Variants in DLAT observed in about 807,000 individuals in gnomAD.
DLAT encodes dihydrolipoamide S-acetyltransferase.
DLAT carries 43 observed loss-of-function variants against 68.0 expected under a neutral mutation model. The ratio of observed to expected loss-of-function variants is 0.63; its 90% CI spans 0.50 to 0.81. The LOEUF (loss-of-function observed/expected upper bound fraction) is 0.81, where lower values mean the gene tolerates loss of function less well. Among genes scored for constraint, DLAT ranks in the 40% least tolerant of loss-of-function variants. The pLI is 0.00. For synonymous variants in DLAT, 265 were observed against 288.6 expected (o/e 0.92, Z 0.83); for missense variants, 745 against 815.4 (o/e 0.91, Z 1.05).
rs375880664 is a variant in DLAT, at chr11:112,055,954, G to A, written c.1515-3949G>A. On this transcript the variant is annotated intron_variant, in intron 11 of 13. Coordinates refer to ENST00000280346, the MANE Select transcript of DLAT (RefSeq NM_001931.5). The stretch of plus-strand genomic sequence containing the variant: ...GCTATCTCCGCTCATTGCAACCTCC[G>A]CCTCCCGGGTTCAAGCGATTCTCCT... Among the ~76,000 whole-genome samples, 82 of 125,444 alleles carry A rather than the reference G, an allele frequency of 6.5e-4. 2 individuals carry two copies. The highest frequency in any genetic ancestry group is 2.4e-3 in the African/African-American group (81 of 33,822). The allele number at this position is 125,444 out of a possible 152,430, so 82.3% of individuals were successfully genotyped here. A position where few individuals can be genotyped will look rare whatever the true frequency, so the allele number is the denominator to read the frequency against.
rs201046000 is a variant in DLAT at position 112,028,809 on chromosome 11, C to G, written c.524C>G (p.Ala175Gly). ...ITVGKPEDIE[A>G]FKNYTLDSSA... is the part of the protein sequence containing the mutation. ...TTCCTTAGGCCTGAGGATATTGAGG[C>G]CTTTAAAAATTATACACTGGATTCC... The change falls in exon 4 of 14, where the codon GCC (alanine) becomes GGC (glycine). Residue 175 changes from alanine to glycine, a missense_variant. By Grantham distance (60) the Ala-to-Gly change is moderately conservative. Transcript: ENST00000280346. 7.4e-6 allele frequency: 12 copies of G among 1,614,116 alleles called. No individual in the cohort carries two copies. Among genetic ancestry groups the G allele is most frequent in the Non-Finnish European group, 9.3e-6 (11 of 1,180,016 alleles).
intron 8 of DLAT, 92 bp downstream of exon 8, chr11:112,043,625 C>T: frequency 8.9e-7 from 1 of 1,121,368 alleles, no homozygotes. Context: ...AATAGCTCAA[C>T]CAAGATTGTT....
chr11:112,052,845 C>T (rs1268445786), intron 11 of DLAT, among the ~76,000 whole-genome samples: 1 of 151,972 alleles, frequency 6.6e-6, no homozygotes, highest in African/African-American at 2.4e-5. Context: ...CAGTGACTGG[C>T]GCCATCCCGA....
chr11:112,044,450 A>C (rs1199931384), intron 8 of DLAT, among the ~76,000 whole-genome samples: 23 of 152,174 alleles, frequency 1.5e-4, no homozygotes, highest in Non-Finnish European at 1.9e-4. Context: ...TGTGAGGCTC[A>C]AGTGAGCCTC....
At chr11:112,062,329 G>A (rs1864685400) in intron 13 of DLAT, 77 bp from the exon 14 acceptor site, 1 of 1,501,224 alleles carries the variant, frequency 6.7e-7, no homozygotes, top group African/African-American at 1.4e-5. Context: ...TAGGGTAGGA[G>A]TGAGCATTTG....
intron 2 of DLAT, among the ~76,000 whole-genome samples, chr11:112,027,045 C>T (rs1438590505): frequency 1.3e-5 from 2 of 151,672 alleles, no homozygotes; most frequent in East Asian, 3.9e-4. Context: ...GGGGGCTGAC[C>T]CCCACCTCCC....
chr11:112,028,701 T>A (rs1862225280), intron 3 of DLAT, 62 bp downstream of exon 3: 2 of 1,614,068 alleles, frequency 1.2e-6, no homozygotes, highest in Non-Finnish European at 1.7e-6. Flanking sequence ...TACCCAGAAT[T>A]GAGAATTAGG....
chr11:112,027,430 A>G (rs1469909021), intron 2 of DLAT, among the ~76,000 whole-genome samples: 7 of 149,418 alleles, frequency 4.7e-5, no homozygotes, highest in Non-Finnish European at 1.0e-4. Flanking sequence ...GCAGCCAGGC[A>G]GTGGGGCTCC....
chr11:112,025,824 T>C, intron 1 of DLAT, 73 bp downstream of exon 1: 1 of 1,574,004 alleles, frequency 6.4e-7, no homozygotes, highest in Non-Finnish European at 8.6e-7. Flanking sequence ...AGATCCTCCT[T>C]GAGAGGCCTC....
Position 112,043,572 on chromosome 11 carries a change from C to G in DLAT, c.1197+39C>G, listed in dbSNP as rs200893668. 2.0e-4 allele frequency: 309 copies of G among 1,511,582 alleles called. No homozygotes were observed. The African/African-American group carries it at 3.7e-3, about 18-fold the overall frequency. The allele number at this position is 1,511,582 out of a possible 1,614,324, so 93.6% of individuals were successfully genotyped here. The stretch of plus-strand genomic sequence containing the variant: ...AGCTCTTACTTTTTTTGCAGTTTGT[C>G]TCTACAGCCTGTTAGACCATTTCAT... On this transcript the variant is annotated intron_variant, in intron 8 of 13. Coordinates refer to ENST00000280346, the MANE Select transcript of DLAT (RefSeq NM_001931.5).
chr11:112,054,543 A>G (rs2137848162), intron 11 of DLAT, among the ~76,000 whole-genome samples: 1 of 152,278 alleles, frequency 6.6e-6, no homozygotes, highest in South Asian at 2.1e-4. Context: ...ACAAGCGAGG[A>G]GAGGAGATTC....
chr11:112,045,268 G>T (rs1555181375), intron 9 of DLAT, 38 bp downstream of exon 9: 5 of 1,376,022 alleles, frequency 3.6e-6, no homozygotes, highest in African/African-American at 3.1e-5. Flanking sequence ...AGCTGTTAGG[G>T]GCATCTTTAG....
chr11:112,027,017 C>T (rs4456288), intron 2 of DLAT, among the ~76,000 whole-genome samples: 46,805 of 150,654 alleles, frequency 0.31, 8,240 homozygotes, highest in East Asian at 0.58. Flanking sequence ...CCCTCCCAGA[C>T]GGGGCGGCTG....
At chr11:112,058,913 G>A (rs1053051004) in intron 11 of DLAT, among the ~76,000 whole-genome samples, 1 of 152,046 alleles carries the variant, frequency 6.6e-6, no homozygotes. Flanking sequence ...CTGAATTTCA[G>A]TATAGTTTCT....
intron 5 of DLAT, among the ~76,000 whole-genome samples, chr11:112,036,201 G>GTTTTTTGTTTTTTTTT (rs1862755018): frequency 1.1e-4 from 4 of 36,474 alleles, no homozygotes; most frequent in African/African-American, 3.6e-4. Flanking sequence ...GTGTGTGTGT[G>GTTTTTTGTTTTTTTTT]TTTTTTTTTT....
In DLAT at chr11:112,064,302, T is replaced by C. The variant is rs1864821249; in HGVS notation, c.*1767T>C. ...AATCTGAGCTATAATCTAAATCGAT[T>C]CAGTCTCTTACCAGAACTGAAAGAA... On this transcript the variant is annotated 3_prime_UTR_variant, in exon 14 of 14. Coordinates refer to ENST00000280346, the MANE Select transcript of DLAT (RefSeq NM_001931.5). 8.1e-7 allele frequency: 1 copy of C among 1,234,998 alleles called. No homozygotes were observed. The highest frequency in any genetic ancestry group is 1.1e-6 in the Non-Finnish European group (1 of 910,034). The allele number at this position is 1,234,998 out of a possible 1,614,324, so 76.5% of individuals were successfully genotyped here.
chr11:112,030,225 G>C, intron 4 of DLAT: 1 of 582,956 alleles, frequency 1.7e-6, no homozygotes, highest in Non-Finnish European at 3.4e-6. Flanking sequence ...GAATTCTCTA[G>C]TGCAGAACTA....
At chr11:112,028,370 GAT>G (rs1862199174) in intron 2 of DLAT, 143 bp from the exon 3 acceptor site, 1 of 911,808 alleles carries the variant, frequency 1.1e-6, no homozygotes, top group South Asian at 1.5e-5. Context: ...AATGAGCCGA[GAT>G]TGCACCACTG....
At position 112,064,304 on chromosome 11, in the gene DLAT, AG is replaced by A; in HGVS notation, c.*1770del. Reference sequence around the variant, plus strand: ...TCTGAGCTATAATCTAAATCGATTCAGTCTCTTACCAGAACTGAAAGAAAAA... The same window carrying A: ...TCTGAGCTATAATCTAAATCGATTCATCTCTTACCAGAACTGAAAGAAAAA... On this transcript the variant is annotated 3_prime_UTR_variant, in exon 14 of 14. Coordinates refer to ENST00000280346, the MANE Select transcript of DLAT (RefSeq NM_001931.5). 1 of 1,217,178 alleles carries A rather than the reference AG, an allele frequency of 8.2e-7. No individual in the cohort carries two copies. Among genetic ancestry groups the A allele is most frequent in the Non-Finnish European group, 1.1e-6 (1 of 894,756 alleles). The allele number at this position is 1,217,178 out of a possible 1,614,324, so 75.4% of individuals were successfully genotyped here.
Sources: gnomAD v4.1 joint callset for allele counts (sites outside exome capture counted in the v4.1 genomes callset) on GRCh38, gnomAD v4.1.1 for gene constraint, MANE v1.5 for transcripts, NCBI Gene and HGNC (gene_info 2026-07-23, HGNC 2026-07-21) for gene names.